Variants in KYNU observed in about 807,000 individuals in gnomAD.
KYNU encodes the protein L-kynurenine hydrolase.
Under a neutral mutation model 59.2 loss-of-function variants are expected in KYNU, and 54 were observed. That is an observed-to-expected ratio of 0.91 (90% CI 0.73 to 1.14). KYNU has a LOEUF of 1.14. Among genes scored for constraint, KYNU ranks in the 50% most tolerant of loss-of-function variants. The pLI is 0.00. For missense variants in KYNU, 567 were observed against 554.4 expected (o/e 1.02, Z -0.23); for synonymous variants, 177 against 192.0 (o/e 0.92, Z 0.65).
chr2:142,920,093 C>T (rs1484866516), intron 3 of KYNU, among the ~76,000 whole-genome samples: 1 of 152,082 alleles, frequency 6.6e-6, no homozygotes, highest in African/African-American at 2.4e-5. Flanking sequence ...GTTTAGCTTA[C>T]ACTGTGCAAA....
intron 4 of KYNU, among the ~76,000 whole-genome samples, chr2:142,938,058 G>A (rs1337989135): frequency 6.6e-6 from 1 of 152,092 alleles, no homozygotes; most frequent in Non-Finnish European, 1.5e-5. Context: ...TTTTTTACGG[G>A]TTAGAGTAGA....
In KYNU at chr2:142,881,953, C is replaced by A. The variant is rs575213346; in HGVS notation, c.-19-3396C>A. Among the ~76,000 whole-genome samples the A allele has an allele frequency of 3.2e-5, 4 of 123,654 alleles. No homozygotes were observed. The South Asian group carries it at 9.9e-4, about 31-fold the overall frequency. The allele number at this position is 123,654 out of a possible 152,430, so 81.1% of individuals were successfully genotyped here. A position where few individuals can be genotyped will look rare whatever the true frequency, so the allele number is the denominator to read the frequency against. ...TTTTTTTTGTAGAGATGACATCTTGCTACGTTGTCCAGACTGGTCTCAAAC... is the reference window on the plus strand; with the variant it reads ...TTTTTTTTGTAGAGATGACATCTTGATACGTTGTCCAGACTGGTCTCAAAC... On this transcript the variant is annotated intron_variant, in intron 1 of 13. Transcript: ENST00000264170.
chr2:142,947,949 T>C (rs937105021), intron 4 of KYNU: 8 of 152,226 alleles, frequency 5.3e-5, no homozygotes, highest in Non-Finnish European at 7.3e-5. Context: ...CATTGGGTCC[T>C]CCAAGTCAGG....
At chr2:142,995,318 T>G (rs2105177498) in intron 10 of KYNU, among the ~76,000 whole-genome samples, 1 of 152,240 alleles carries the variant, frequency 6.6e-6, no homozygotes, top group Admixed American at 6.5e-5. Context: ...ACTGTTAGCT[T>G]ACTGGACATA....
intron 4 of KYNU, among the ~76,000 whole-genome samples, chr2:142,949,783 C>T (rs1478357636): frequency 1.3e-5 from 2 of 149,874 alleles, no homozygotes; most frequent in East Asian, 1.9e-4. Flanking sequence ...TTCTGCTCCT[C>T]GTTACTTATG....
rs1687234462 is a variant in KYNU at position 143,049,871 on chromosome 2, C to A, written c.*7699C>A. 1 of 151,904 alleles carries A rather than the reference C, an allele frequency of 6.6e-6. No individual in the cohort carries two copies. The highest frequency in any genetic ancestry group is 2.4e-5 in the African/African-American group (1 of 41,374). 9.4% of individuals were successfully genotyped at this position (151,904 alleles called of 1,614,324 possible). On this transcript the variant is annotated 3_prime_UTR_variant, in exon 14 of 14. Transcript: ENST00000264170. Reference sequence around the variant, plus strand: ...CTCATTTACCTTGACCTTTTGAATTCTTTGAAAACTGAGTTAAGTCTGATT... The same window carrying A: ...CTCATTTACCTTGACCTTTTGAATTATTTGAAAACTGAGTTAAGTCTGATT...
chr2:142,933,341 TGA>T (rs1683288702), intron 4 of KYNU, among the ~76,000 whole-genome samples: 1 of 151,950 alleles, frequency 6.6e-6, no homozygotes, highest in Non-Finnish European at 1.5e-5. Flanking sequence ...AGGGCTGAGG[TGA>T]GAGCCTTCCA....
chr2:143,040,963 A>G (rs1239532180), intron 13 of KYNU, among the ~76,000 whole-genome samples: 1 of 152,074 alleles, frequency 6.6e-6, no homozygotes, highest in Non-Finnish European at 1.5e-5. Context: ...CAGTCAGGAC[A>G]TTGTTTTCTC....
In KYNU at chr2:142,949,564, GA is replaced by G. The variant is rs1415166931; in HGVS notation, c.374-5245del. 3.9e-5 allele frequency among the ~76,000 whole-genome samples: 6 copies of G among 152,364 alleles called. No individual in the cohort carries two copies. The East Asian group carries it at 9.6e-4, about 24-fold the overall frequency. On this transcript the variant is annotated intron_variant, in intron 4 of 13. Transcript: ENST00000264170. ...CTTGCACCCTTTGAAGCCACAGACT[GA>G]GCTGTACCTTGGCCCCTTTCATCCA...
chr2:142,969,725 G>C lies in KYNU; in HGVS notation c.729+8955G>C, dbSNP rs531481965. 4.7e-4 allele frequency among the ~76,000 whole-genome samples: 71 copies of C among 152,274 alleles called. 3 individuals are homozygous for C. In the South Asian group the frequency reaches 0.012, roughly 27 times the overall value. On this transcript the variant is annotated intron_variant, in intron 8 of 13. Coordinates refer to ENST00000264170, the MANE Select transcript of KYNU (RefSeq NM_003937.3). ...GTCAATCAGGATCTCTGCTTCTGCAGCCACCCTTATCAAAGCCATGAGGGA... is the reference window on the plus strand; with the variant it reads ...GTCAATCAGGATCTCTGCTTCTGCACCCACCCTTATCAAAGCCATGAGGGA...
intron 4 of KYNU, among the ~76,000 whole-genome samples, chr2:142,930,851 C>T (rs569245328): frequency 1.3e-5 from 2 of 152,262 alleles, no homozygotes; most frequent in South Asian, 2.1e-4. Context: ...GTTTCTGTAT[C>T]GGTTTGAACC....
intron 2 of KYNU, among the ~76,000 whole-genome samples, chr2:142,912,050 A>T (rs13000671): frequency 0.15 from 22,732 of 151,978 alleles, 2,632 homozygotes; most frequent in African/African-American, 0.32. Context: ...GTATCGAGTG[A>T]TACTGGCTTC....
Position 143,052,176 on chromosome 2 carries a change from T to G in KYNU, c.*10004T>G, listed in dbSNP as rs984555741. 1.3e-5 allele frequency: 2 copies of G among 152,498 alleles called. No individual in the cohort carries two copies. The highest frequency in any genetic ancestry group is 2.9e-5 in the Non-Finnish European group (2 of 68,306). 9.4% of individuals were successfully genotyped at this position (152,498 alleles called of 1,614,324 possible). Reference sequence around the variant, plus strand: ...GACATTAAACTTGAGACAGATTATTTAGGGTATCTGGAGGAAGAAATTTTT... The same window carrying G: ...GACATTAAACTTGAGACAGATTATTGAGGGTATCTGGAGGAAGAAATTTTT... On this transcript the variant is annotated 3_prime_UTR_variant, in exon 14 of 14. Transcript: ENST00000264170.
intron 3 of KYNU, among the ~76,000 whole-genome samples, chr2:142,922,073 C>T (rs986021639): frequency 2.0e-5 from 3 of 152,166 alleles, no homozygotes; most frequent in African/African-American, 7.2e-5. Flanking sequence ...ATACTCAAGC[C>T]AGGTCAGTGA....
chr2:143,015,752 T>G (rs1479003210), intron 10 of KYNU, among the ~76,000 whole-genome samples: 1 of 152,014 alleles, frequency 6.6e-6, no homozygotes, highest in African/African-American at 2.4e-5. Flanking sequence ...ACCCAAAACA[T>G]TTCCCCTCAA....
chr2:142,983,695 A>G lies in KYNU; in HGVS notation c.730-1389A>G, dbSNP rs551097778. 3.3e-5 allele frequency among the ~76,000 whole-genome samples: 5 copies of G among 152,226 alleles called. No individual in the cohort carries two copies. In the South Asian group the frequency reaches 6.2e-4, roughly 19 times the overall value. Reference sequence around the variant, plus strand: ...TCTTAGGAGATTTGACATTGGCTCTATATCTGTATTTACTGTATTTGCAAT... The same window carrying G: ...TCTTAGGAGATTTGACATTGGCTCTGTATCTGTATTTACTGTATTTGCAAT... On this transcript the variant is annotated intron_variant, in intron 8 of 13. Transcript: ENST00000264170.
rs1269432058 is a variant in KYNU, at chr2:143,042,028, C to T, written c.1273-19C>T. On this transcript the variant is annotated intron_variant, in intron 13 of 13. Transcript: ENST00000264170. ...GTGAATAATGCTAACATTATTGTGG[C>T]TTTATTTTTTCCCCACAGTGTGACA... 2 of 1,610,286 alleles carry T rather than the reference C, an allele frequency of 1.2e-6. No homozygotes were observed. Among genetic ancestry groups the T allele is most frequent in the East Asian group, 2.2e-5 (1 of 44,776 alleles).
chr2:142,930,329 G>A (rs555517156), intron 4 of KYNU, among the ~76,000 whole-genome samples: 14 of 152,158 alleles, frequency 9.2e-5, no homozygotes, highest in Non-Finnish European at 1.6e-4. Context: ...TAGAATATCA[G>A]ATCCCCTTGC....
Position 143,044,171 on chromosome 2 carries a change from T to C in KYNU, c.*1999T>C, listed in dbSNP as rs1336370793. The C allele has an allele frequency of 6.6e-6, 1 of 152,172 alleles. No individual in the cohort carries two copies. The highest frequency in any genetic ancestry group is 1.5e-5 in the Non-Finnish European group (1 of 68,028). 9.4% of individuals were successfully genotyped at this position (152,172 alleles called of 1,614,324 possible). A position where few individuals can be genotyped will look rare whatever the true frequency, so the allele number is the denominator to read the frequency against. Reference sequence around the variant, plus strand: ...CCCTGCAAAGGACATGAACTCATTCTTTTTTATGGCTGCATAGTATTCCAT... The same window carrying C: ...CCCTGCAAAGGACATGAACTCATTCCTTTTTATGGCTGCATAGTATTCCAT... On this transcript the variant is annotated 3_prime_UTR_variant, in exon 14 of 14. Transcript: ENST00000264170.
Sources: allele counts gnomAD v4.1 joint callset (sites outside exome capture counted in the v4.1 genomes callset), GRCh38; gene constraint gnomAD v4.1.1; transcripts MANE v1.5; gene names NCBI Gene and HGNC (gene_info 2026-07-23, HGNC 2026-07-21).